The following MTHFD2 variants were observed in gnomAD, a reference collection of about 807,000 sequenced individuals.
The protein encoded by MTHFD2 is methylenetetrahydrofolate dehydrogenase (NADP+ dependent) 2, methenyltetrahydrofolate cyclohydrolase, also known as bifunctional methylenetetrahydrofolate dehydrogenase/cyclohydrolase, mitochondrial.
In MTHFD2, 26 loss-of-function variants were observed where a neutral mutation model predicts 36.8. The ratio of observed to expected loss-of-function variants is 0.71; its 90% CI spans 0.52 to 0.98. MTHFD2 has a LOEUF of 0.98. MTHFD2 is among the 50% of genes least tolerant of loss of function. The probability of loss-of-function intolerance (pLI) is 0.00; values close to 1 mark genes in which losing one functional copy is unlikely to be tolerated. For missense variants in MTHFD2, 373 were observed against 434.0 expected, an observed-to-expected ratio of 0.86 and a Z score of 1.25; for synonymous variants, 164 against 155.2, an observed-to-expected ratio of 1.06 and a Z score of -0.42.
chr2:74,200,047 C>T (rs528321334), intron 1 of MTHFD2, among the ~76,000 whole-genome samples: 2 of 152,208 alleles, frequency 1.3e-5, no homozygotes, highest in Admixed American at 6.5e-5. Flanking sequence ...AATTTCCAGT[C>T]AGTGCGGAAA....
chr2:74,210,146 T>C, intron 5 of MTHFD2, 97 bp downstream of exon 5: 4 of 930,412 alleles, frequency 4.3e-6, no homozygotes, highest in East Asian at 2.9e-5. Flanking sequence ...AACTCTGTTA[T>C]ACTTTGTATT....
chr2:74,199,707 C>CAA (rs34436782), intron 1 of MTHFD2, among the ~76,000 whole-genome samples: 17 of 103,524 alleles, frequency 1.6e-4, no homozygotes, highest in East Asian at 5.6e-4. Flanking sequence ...GACCCTGTCT[C>CAA]AAAAAAAAAA....
rs1280567956 is a variant in MTHFD2 at position 74,214,333 on chromosome 2, A to G, written c.*91A>G. 4 of 1,420,296 alleles carry G rather than the reference A, an allele frequency of 2.8e-6. No homozygotes were observed. In the African/African-American group the frequency reaches 5.7e-5, roughly 20 times the overall value. 88.0% of individuals were successfully genotyped at this position (1,420,296 alleles called of 1,614,324 possible). A position where few individuals can be genotyped will look rare whatever the true frequency, so the allele number is the denominator to read the frequency against. On this transcript the variant is annotated 3_prime_UTR_variant, in exon 8 of 8. Transcript: ENST00000394053. Reference sequence around the variant, plus strand: ...AAATGCAATATTTTTAATTTATTCTACTGAAATGGTTTAAAATGATGCCTT... The same window carrying G: ...AAATGCAATATTTTTAATTTATTCTGCTGAAATGGTTTAAAATGATGCCTT...
At chr2:74,211,451 C>T (rs534412107) in intron 6 of MTHFD2, among the ~76,000 whole-genome samples, 160 bp downstream of exon 6, 10 of 152,110 alleles carry the variant, frequency 6.6e-5, no homozygotes, top group South Asian at 2.1e-4. Flanking sequence ...ATTGGAATAC[C>T]GGTTTCTGGC....
At chr2:74,198,923 T>G (rs1380770795) in intron 1 of MTHFD2, among the ~76,000 whole-genome samples, 181 bp downstream of exon 1, 1 of 151,974 alleles carries the variant, frequency 6.6e-6, no homozygotes, top group Non-Finnish European at 1.5e-5. Context: ...AGCTCTCGAC[T>G]GGGGCGCTTC....
chr2:74,208,040 C>G (rs1312670524), intron 3 of MTHFD2, among the ~76,000 whole-genome samples: 1 of 150,260 alleles, frequency 6.7e-6, no homozygotes, highest in African/African-American at 2.4e-5. Flanking sequence ...TCCCAAATAG[C>G]TAGGACTATA....
At chr2:74,205,425 A>C (rs1305078447) in intron 1 of MTHFD2, among the ~76,000 whole-genome samples, 5 of 152,188 alleles carry the variant, frequency 3.3e-5, no homozygotes, top group Admixed American at 6.5e-5. Context: ...TCAGTCACTT[A>C]AACTCCCTGA....
chr2:74,205,629 C>G (rs1441111785), intron 1 of MTHFD2, 76 bp from the exon 2 acceptor site: 1 of 1,492,332 alleles, frequency 6.7e-7, no homozygotes, highest in Non-Finnish European at 9.1e-7. Context: ...CAGGCATAAG[C>G]CACTACACCT....
intron 7 of MTHFD2, among the ~76,000 whole-genome samples, chr2:74,212,389 C>T (rs1001105800): frequency 6.6e-6 from 1 of 151,126 alleles, no homozygotes; most frequent in African/African-American, 2.4e-5. Flanking sequence ...CTTCAAGCCT[C>T]CCCAGTAGCC....
intron 1 of MTHFD2, among the ~76,000 whole-genome samples, chr2:74,200,719 GTTA>G (rs893277494): frequency 5.3e-5 from 8 of 152,072 alleles, no homozygotes; most frequent in African/African-American, 1.9e-4. Context: ...GTATTACAGT[GTTA>G]TTATAATAGT....
intron 7 of MTHFD2, among the ~76,000 whole-genome samples, chr2:74,213,264 TCTTTC>T (rs1572991099): frequency 6.9e-6 from 1 of 145,448 alleles, no homozygotes; most frequent in East Asian, 1.9e-4. Context: ...ATCCTTTTTT[TCTTTC>T]CTTTTTTTTT....
Position 74,215,061 on chromosome 2 carries a change from GA to G in MTHFD2, c.*824del. On this transcript the variant is annotated 3_prime_UTR_variant, in exon 8 of 8. Coordinates refer to ENST00000394053, the MANE Select transcript of MTHFD2 (RefSeq NM_006636.4). The stretch of plus-strand genomic sequence containing the variant: ...TTGGTGTATCTTAAAACCTATTTTT[GA>G]AAAACAAACTTGGCTTGATAATCAT... 6.6e-6 allele frequency: 1 copy of G among 152,518 alleles called. No homozygotes were observed. The highest frequency in any genetic ancestry group is 3.4e-3 in the Middle Eastern group (1 of 294). 9.4% of individuals were successfully genotyped at this position (152,518 alleles called of 1,614,324 possible).
chr2:74,202,215 G>A (rs1694057591), intron 1 of MTHFD2, among the ~76,000 whole-genome samples: 1 of 151,904 alleles, frequency 6.6e-6, no homozygotes, highest in African/African-American at 2.4e-5. Flanking sequence ...TTATGTGTAA[G>A]TGTATCTATT....
chr2:74,198,661 T>G lies in MTHFD2; in HGVS notation c.20T>G (p.Met7Arg), dbSNP rs761181922. The G allele has an allele frequency of 6.2e-7, 1 of 1,610,860 alleles. No homozygotes were observed. The highest frequency in any genetic ancestry group is 1.1e-5 in the South Asian group (1 of 90,742). The stretch of plus-strand genomic sequence containing the variant: ...CGGTCTATGGCTGCGACTTCTCTAA[T>G]GTCTGCTTTGGCTGCCCGGCTGCTG... Reference protein sequence around the residue: MAATSLMSALAARLLQP... With the variant: MAATSLRSALAARLLQP... The change falls in exon 1 of 8, where the codon ATG becomes AGG. Residue 7 changes from methionine (M) to arginine (R), a missense_variant. Met to Arg is a moderately conservative substitution (Grantham distance 91). This residue lies in a region of MTHFD2 where 65 missense variants were observed against 36.1 expected (regional missense o/e 1.80). Coordinates refer to ENST00000394053, the MANE Select transcript of MTHFD2 (RefSeq NM_006636.4).
chr2:74,212,908 T>TG (rs1176105499), intron 7 of MTHFD2, among the ~76,000 whole-genome samples: 1 of 121,648 alleles, frequency 8.2e-6, no homozygotes, highest in African/African-American at 3.3e-5. Flanking sequence ...CTTTCAGTTC[T>TG]GTTTTTTTTT....
intron 1 of MTHFD2, 113 bp from the exon 2 acceptor site, chr2:74,205,592 C>T (rs1694156949): frequency 1.6e-6 from 2 of 1,212,632 alleles, no homozygotes; most frequent in Non-Finnish European, 2.3e-6. Context: ...CATCCTCCTG[C>T]CCCGGCCTCC....
intron 1 of MTHFD2, among the ~76,000 whole-genome samples, chr2:74,203,908 TAG>T (rs1301810252): frequency 4.5e-5 from 3 of 67,188 alleles, no homozygotes; most frequent in African/African-American, 1.6e-4. Flanking sequence ...TTAGTTTAGT[TAG>T]TTTAGTTTAG....
intron 1 of MTHFD2, among the ~76,000 whole-genome samples, chr2:74,201,378 GC>G (rs1694039054): frequency 6.7e-6 from 1 of 149,460 alleles, no homozygotes; most frequent in Admixed American, 6.7e-5. Flanking sequence ...TTCTTTTTTG[GC>G]AGGGGAATCT....
chr2:74,198,662 G>C lies in MTHFD2; in HGVS notation c.21G>C (p.Met7Ile), dbSNP rs773639716. 1.9e-6 allele frequency: 3 copies of C among 1,610,762 alleles called. No homozygotes were observed. The South Asian group carries it at 3.3e-5, about 18-fold the overall frequency. The change falls in exon 1 of 8, where the codon ATG becomes ATC. Residue 7 changes from methionine (M) to isoleucine (I), a missense_variant. Around this residue, in one of 2 missense-constraint regions of MTHFD2, gnomAD observed 65 missense variants for 36.1 expected, o/e 1.80. Coordinates refer to ENST00000394053, the MANE Select transcript of MTHFD2 (RefSeq NM_006636.4). ...GGTCTATGGCTGCGACTTCTCTAAT[G>C]TCTGCTTTGGCTGCCCGGCTGCTGC... MAATSL[M>I]SALAARLLQP...
Sources: allele counts gnomAD v4.1 joint callset (sites outside exome capture counted in the v4.1 genomes callset), GRCh38; gene constraint gnomAD v4.1.1; regional missense constraint gnomAD v4.1.1; transcripts MANE v1.5; gene names NCBI Gene and HGNC (gene_info 2026-07-23, HGNC 2026-07-21).